CRISP2: variants seen among roughly 807,000 people sequenced by gnomAD.
CRISP2 encodes cysteine rich secretory protein 2.
Under a neutral mutation model 31.7 loss-of-function variants are expected in CRISP2, and 29 were observed. The ratio of observed to expected loss-of-function variants is 0.92; its 90% CI spans 0.68 to 1.25. The LOEUF (loss-of-function observed/expected upper bound fraction) is 1.25, where lower values mean the gene tolerates loss of function less well. CRISP2 is among the 50% of genes most tolerant of loss of function. The probability of loss-of-function intolerance (pLI) is 0.00; values close to 1 mark genes in which losing one functional copy is unlikely to be tolerated. For missense variants in CRISP2, 318 were observed against 286.5 expected, an observed-to-expected ratio of 1.11 and a Z score of -0.79; for synonymous variants, 111 against 101.4, an observed-to-expected ratio of 1.09 and a Z score of -0.57.
At chr6:49,701,972 A>G (rs1378941012) in intron 4 of CRISP2, among the ~76,000 whole-genome samples, 1 of 1,386 alleles carries the variant, frequency 7.2e-4, no homozygotes, top group African/African-American at 6.7e-3. Flanking sequence ...TATACATAAT[A>G]TATAATATAT....
At chr6:49,693,662 C>G (rs1017748223) in intron 9 of CRISP2, among the ~76,000 whole-genome samples, 8 of 152,164 alleles carry the variant, frequency 5.3e-5, no homozygotes, top group African/African-American at 1.9e-4. Flanking sequence ...TTTTCCTTCT[C>G]TTTTTCATAT....
At chr6:49,697,790 G>T (rs754639718) in intron 8 of CRISP2, 70 bp downstream of exon 8, 14 of 1,603,532 alleles carry the variant, frequency 8.7e-6, no homozygotes, top group South Asian at 1.1e-5. Context: ...TCTGGTTTAA[G>T]ATATGAGAAT....
At chr6:49,693,023 A>G in intron 9 of CRISP2, 123 bp from the exon 10 acceptor site, 3 of 914,814 alleles carry the variant, frequency 3.3e-6, no homozygotes, top group Non-Finnish European at 5.0e-6. Context: ...TTACACTACA[A>G]TGGGTCTTTC....
At chr6:49,680,311 T>A in the CRISP2 span, among the ~76,000 whole-genome samples, 1 of 152,214 alleles carries the variant, frequency 6.6e-6, no homozygotes, top group Non-Finnish European at 1.5e-5. Flanking sequence ...TCTATCCATG[T>A]TCCTGCATAG....
In CRISP2 at chr6:49,699,813, G is replaced by C; in HGVS notation, c.262C>G (p.Arg88Gly). ...CTLQHSDPED[R>G]KTSTRCGENL... is the part of the protein sequence containing the mutation. ...TTACTAATTTACATACTGGTTTTGC[G>C]GTCCTCTGGATCACTATGTTGTAAA... Residue 88 changes from arginine to glycine, a missense_variant, in exon 6 of 10, where the codon CGC (arginine) becomes GGC (glycine). Physicochemically the swap from Arg to Gly is moderately radical, Grantham distance 125. Transcript: ENST00000339139. 6.2e-6 allele frequency: 10 copies of C among 1,608,638 alleles called. No homozygotes were observed. Among genetic ancestry groups the C allele is most frequent in the Non-Finnish European group, 8.5e-6 (10 of 1,176,376 alleles).
intron 4 of CRISP2, among the ~76,000 whole-genome samples, chr6:49,707,098 A>G (rs1188699066): frequency 6.6e-6 from 1 of 152,214 alleles, no homozygotes; most frequent in African/African-American, 2.4e-5. Flanking sequence ...TGCTTTGTAG[A>G]TAAAAATTGT....
intron 4 of CRISP2, among the ~76,000 whole-genome samples, chr6:49,707,391 T>C (rs1767249005): frequency 1.3e-5 from 2 of 152,244 alleles, no homozygotes; most frequent in South Asian, 4.1e-4. Flanking sequence ...TTTCTAGGCA[T>C]CTTGAAAACA....
At chr6:49,699,455 A>G (rs1765297658) in intron 6 of CRISP2, among the ~76,000 whole-genome samples, 1 of 144,160 alleles carries the variant, frequency 6.9e-6, no homozygotes, top group African/African-American at 2.9e-5. Flanking sequence ...AAGCTTGGTT[A>G]AAAATTTCTA....
chr6:49,701,061 G>A (rs950415487), intron 4 of CRISP2, among the ~76,000 whole-genome samples: 3 of 152,058 alleles, frequency 2.0e-5, no homozygotes, highest in South Asian at 2.1e-4. Context: ...TGGGAATTGT[G>A]AGTAACTCAT....
chr6:49,698,060 A>C, intron 7 of CRISP2, 103 bp from the exon 8 acceptor site: 1 of 868,868 alleles, frequency 1.2e-6, no homozygotes. Flanking sequence ...AGTTTTATAG[A>C]CATATACCAT....
downstream of CRISP2, among the ~76,000 whole-genome samples, chr6:49,691,899 T>A (rs1183492798): frequency 6.6e-6 from 1 of 152,076 alleles, no homozygotes; most frequent in East Asian, 1.9e-4. Context: ...TCTAGCCAGA[T>A]CTACTTTCTG....
At chr6:49,679,391 CCT>C in the CRISP2 span, among the ~76,000 whole-genome samples, 1 of 152,040 alleles carries the variant, frequency 6.6e-6, no homozygotes, top group South Asian at 2.1e-4. Context: ...TTTAAGGACT[CCT>C]CTTTTTATCA....
At chr6:49,697,119 C>T (rs1028467335) in intron 8 of CRISP2, among the ~76,000 whole-genome samples, 8 of 152,088 alleles carry the variant, frequency 5.3e-5, no homozygotes, top group African/African-American at 1.4e-4. Context: ...TGCCCCCCAC[C>T]GCAGCCTCCA....
chr6:49,710,372 G>A (rs957059500), intron 3 of CRISP2, among the ~76,000 whole-genome samples: 3 of 152,112 alleles, frequency 2.0e-5, no homozygotes, highest in Admixed American at 6.5e-5. Flanking sequence ...CCAATGCTAC[G>A]TTCTTAGGTA....
chr6:49,697,973 G>A lies in CRISP2; in HGVS notation c.418-16C>T, dbSNP rs778847937. On this transcript the variant is annotated splice_polypyrimidine_tract_variant and intron_variant, in intron 7 of 9. Transcript: ENST00000339139. ...ACCAAACAAGCTGCAAATTAACAATGGAATAAATATATAAAAGTACATTAG... is the reference window on the plus strand; with the variant it reads ...ACCAAACAAGCTGCAAATTAACAATAGAATAAATATATAAAAGTACATTAG... 3.3e-6 allele frequency: 5 copies of A among 1,538,146 alleles called. No homozygotes were observed. The highest frequency in any genetic ancestry group is 2.3e-5 in the East Asian group (1 of 44,156).
chr6:49,699,833 T>C lies in CRISP2; in HGVS notation c.242A>G (p.Gln81Arg), dbSNP rs1418674510. ...TTTGCGGTCCTCTGGATCACTATGT[T>C]GTAAAGTGCACTTGTTTGCCCACCT... ...AQRWANKCTL[Q>R]HSDPEDRKTS... Residue 81 changes from glutamine (Q) to arginine (R), a missense_variant, in exon 6 of 10, where the codon CAA becomes CGA. Gln to Arg is a conservative substitution (Grantham distance 43). Coordinates refer to ENST00000339139, the MANE Select transcript of CRISP2 (RefSeq NM_003296.4). 2 of 1,612,544 alleles carry C rather than the reference T, an allele frequency of 1.2e-6. No homozygotes were observed. The highest frequency in any genetic ancestry group is 2.2e-5 in the South Asian group (2 of 90,984).
chr6:49,682,586 T>TC, the CRISP2 span, among the ~76,000 whole-genome samples: 1 of 77,142 alleles, frequency 1.3e-5, no homozygotes, highest in Non-Finnish European at 2.5e-5. Context: ...TCTTTCTTTC[T>TC]TTTTCTTTCT....
the CRISP2 span, among the ~76,000 whole-genome samples, chr6:49,686,230 A>G: frequency 1.0e-3 from 155 of 152,358 alleles, no homozygotes; most frequent in Non-Finnish European, 1.7e-3. Context: ...GCTGCATAAT[A>G]ATCAATTGTG....
chr6:49,712,236 A>C (rs566726371), intron 2 of CRISP2, among the ~76,000 whole-genome samples: 1 of 152,252 alleles, frequency 6.6e-6, no homozygotes, highest in Admixed American at 6.5e-5. Context: ...TAGCTCAATC[A>C]CCCAGTGTAT....
Sources: allele counts gnomAD v4.1 joint callset (sites outside exome capture counted in the v4.1 genomes callset), GRCh38; gene constraint gnomAD v4.1.1; transcripts MANE v1.5; gene names NCBI Gene and HGNC (gene_info 2026-07-23, HGNC 2026-07-21).